Variants in MET observed in about 807,000 individuals in gnomAD.
MET encodes the protein hepatocyte growth factor receptor.
A neutral mutation model predicts 133.1 loss-of-function variants in MET; 48 were observed. The ratio of observed to expected loss-of-function variants is 0.36; its 90% CI spans 0.29 to 0.46. The LOEUF is 0.46. Among genes scored for constraint, MET ranks in the 20% least tolerant of loss-of-function variants. The pLI is 1.00. For missense variants in MET, 1,442 were observed against 1,695.9 expected (o/e 0.85, Z 2.63); for synonymous variants, 628 against 616.5 (o/e 1.02, Z -0.28).
chr7:116,754,999 A>AGAAAGAAAGAAAGAAG (rs1794111565), intron 5 of MET, among the ~76,000 whole-genome samples: 1 of 148,356 alleles, frequency 6.7e-6, no homozygotes, highest in African/African-American at 2.5e-5. Flanking sequence ...AAAGAAAGAA[A>AGAAAGAAAGAAAGAAG]GAAAGAAAGA....
rs863224379 is a variant in MET at position 116,783,297 on chromosome 7, T to C, written c.3633-7T>C. ...GCCACGGGTAATAATTTTTGTCCTT[T>C]CTGTAGGCTGGATGAAAAATTCACA... is the stretch of plus-strand genomic sequence containing the variant. On this transcript the variant is annotated splice_region_variant and splice_polypyrimidine_tract_variant and intron_variant, in intron 18 of 20. Transcript: ENST00000397752. 1.2e-6 allele frequency: 2 copies of C among 1,614,018 alleles called. No homozygotes were observed. The highest frequency in any genetic ancestry group is 1.7e-6 in the Non-Finnish European group (2 of 1,180,000).
rs1794767589 is a variant in MET at position 116,769,675 on chromosome 7, G to A, written c.2614G>A (p.Gly872Ser). The A allele has an allele frequency of 6.2e-7, 1 of 1,612,828 alleles. No homozygotes were observed. Among genetic ancestry groups the A allele is most frequent in the Non-Finnish European group, 8.5e-7 (1 of 1,179,612 alleles). ...GNDIDPEAVK[G>S]EVLKVGNKSC... ...TGATATTGACCCTGAAGCAGTTAAA[G>A]GTGAAGTGTTAAAAGTTGGAAATAA... The change falls in exon 12 of 21, where the codon GGT becomes AGT. Residue 872 changes from glycine to serine, a missense_variant. Physicochemically the swap from Gly to Ser is moderately conservative, Grantham distance 56. This residue lies in a region of MET where 514 missense variants were observed against 659.6 expected (regional missense o/e 0.78). Coordinates refer to ENST00000397752, the MANE Select transcript of MET (RefSeq NM_000245.4).
chr7:116,755,224 T>G (rs904680049), intron 5 of MET, 131 bp from the exon 6 acceptor site: 1 of 1,127,412 alleles, frequency 8.9e-7, no homozygotes, highest in African/African-American at 1.6e-5. Flanking sequence ...AAATTAAATT[T>G]TTACTAAATT....
In MET at chr7:116,757,518, A is replaced by G. The variant is rs13223756; in HGVS notation, c.1944A>G (p.Gln648=). 0.19 allele frequency: 304,310 copies of G among 1,612,994 alleles called. 29,894 individuals are homozygous for G. Among genetic ancestry groups the G allele is most frequent in the East Asian group, 0.27 (12,235 of 44,826 alleles). The change falls in exon 7 of 21, where the codon CAA becomes CAG. Residue 648 remains glutamine, a synonymous_variant. Coordinates refer to ENST00000397752, the MANE Select transcript of MET (RefSeq NM_000245.4). ...IIISNGHGTT[Q]YSTFSYVDPV... ...TTTCAAATGGCCACGGGACAACACA[A>G]TACAGTACATTCTCCTATGTGGTAA... is the stretch of plus-strand genomic sequence containing the variant.
chr7:116,690,708 T>C (rs1325516471), intron 1 of MET, among the ~76,000 whole-genome samples: 6 of 152,226 alleles, frequency 3.9e-5, no homozygotes, highest in Non-Finnish European at 5.9e-5. Context: ...GCCCAGTGGA[T>C]CTATCCACTT....
intron 1 of MET, among the ~76,000 whole-genome samples, chr7:116,674,186 T>G (rs1796072902): frequency 6.6e-6 from 1 of 152,148 alleles, no homozygotes; most frequent in African/African-American, 2.4e-5. Context: ...GCAGTAGGGG[T>G]TTACATTAGA....
intron 17 of MET, among the ~76,000 whole-genome samples, chr7:116,780,220 G>T (rs1389010919): frequency 2.6e-5 from 4 of 151,970 alleles, no homozygotes; most frequent in Admixed American, 1.3e-4. Flanking sequence ...GGGAGGGTGG[G>T]AATAAGAATC....
chr7:116,715,434 C>T (rs1792153792), intron 2 of MET, among the ~76,000 whole-genome samples: 1 of 152,182 alleles, frequency 6.6e-6, no homozygotes, highest in Admixed American at 6.5e-5. Flanking sequence ...CTCTGTGTCC[C>T]CTCTTCTTAT....
At chr7:116,769,001 G>C (rs571253866) in intron 11 of MET, among the ~76,000 whole-genome samples, 1 of 152,182 alleles carries the variant, frequency 6.6e-6, no homozygotes, top group Admixed American at 6.5e-5. Context: ...AATTATAATA[G>C]TCATACAGCA....
chr7:116,763,443 G>A, intron 11 of MET, 175 bp downstream of exon 11: 1 of 648,274 alleles, frequency 1.5e-6, no homozygotes, highest in East Asian at 2.8e-5. Flanking sequence ...AATAACCGTG[G>A]ACTGCATTTT....
rs150835625 is a variant in MET at position 116,675,895 on chromosome 7, C to T, written c.-15+3318C>T. ...GCCGTGAATAATTTTGTAATCTATC[C>T]TTCTATCAGAAAGCCCATTCTCAGA... On this transcript the variant is annotated intron_variant, in intron 1 of 20. Coordinates refer to ENST00000397752, the MANE Select transcript of MET (RefSeq NM_000245.4). Among the ~76,000 whole-genome samples the T allele has an allele frequency of 3.3e-3, 508 of 151,972 alleles. 1 individual carries two copies. The highest frequency in any genetic ancestry group is 0.011 in the African/African-American group (450 of 41,452).
At chr7:116,709,313 A>G (rs1791909058) in intron 2 of MET, among the ~76,000 whole-genome samples, 4 of 152,192 alleles carry the variant, frequency 2.6e-5, no homozygotes, top group Admixed American at 2.6e-4. Flanking sequence ...CTTTGTACCT[A>G]AGCATATGCT....
chr7:116,787,991 T>C (rs1795370254), intron 19 of MET, among the ~76,000 whole-genome samples: 1 of 152,170 alleles, frequency 6.6e-6, no homozygotes, highest in African/African-American at 2.4e-5. Context: ...ACTAAACCAT[T>C]CATCAACATA....
intron 1 of MET, among the ~76,000 whole-genome samples, chr7:116,687,168 G>A (rs950010800): frequency 6.6e-6 from 1 of 152,050 alleles, no homozygotes. Flanking sequence ...TACACATACC[G>A]CCTATATACA....
At chr7:116,769,048 G>A (rs1302512681) in intron 11 of MET, among the ~76,000 whole-genome samples, 1 of 152,102 alleles carries the variant, frequency 6.6e-6, no homozygotes. Context: ...ATTCACTTAT[G>A]TATAGGACTC....
chr7:116,777,674 G>A (rs1795036209), intron 16 of MET, among the ~76,000 whole-genome samples: 1 of 152,200 alleles, frequency 6.6e-6, no homozygotes, highest in African/African-American at 2.4e-5. Context: ...GCCCTCATTA[G>A]TAAGGGGGTA....
At chr7:116,753,404 C>G (rs1794005540) in intron 5 of MET, among the ~76,000 whole-genome samples, 1 of 152,150 alleles carries the variant, frequency 6.6e-6, no homozygotes, top group African/African-American at 2.4e-5. Flanking sequence ...TGAGAAGAAG[C>G]TTATTTTTAA....
intron 1 of MET, among the ~76,000 whole-genome samples, chr7:116,674,960 AAAATGTATGTAG>A (rs1381852348): frequency 6.6e-6 from 1 of 152,178 alleles, no homozygotes; most frequent in Non-Finnish European, 1.5e-5. Context: ...TTAAGGGGAG[AAAATGTATGTAG>A]AAACTCAAGT....
At position 116,723,767 on chromosome 7, in the gene MET, T is replaced by TG. The variant is rs571856829; in HGVS notation, c.1201-7895dup. ...GTGTGAGGTGTCAGTGTGCCCCTGC[T>TG]GGGGGGTGCCTCCCAGTTAGGCTGC... is the stretch of plus-strand genomic sequence containing the variant. On this transcript the variant is annotated intron_variant, in intron 2 of 20. Coordinates refer to ENST00000397752, the MANE Select transcript of MET (RefSeq NM_000245.4). Among the ~76,000 whole-genome samples, 5 of 152,280 alleles carry TG rather than the reference T, an allele frequency of 3.3e-5. No homozygotes were observed. The East Asian group carries it at 7.7e-4, about 24-fold the overall frequency.
Sources: allele counts gnomAD v4.1 joint callset (sites outside exome capture counted in the v4.1 genomes callset), GRCh38; gene constraint gnomAD v4.1.1; regional missense constraint gnomAD v4.1.1; transcripts MANE v1.5; gene names NCBI Gene and HGNC (gene_info 2026-07-23, HGNC 2026-07-21).